Variants in PCDHAC1 observed in about 807,000 individuals in gnomAD.
The protein encoded by PCDHAC1 is protocadherin alpha-C1.
Under a neutral mutation model 60.0 loss-of-function variants are expected in PCDHAC1, and 42 were observed. The observed-to-expected ratio is 0.70, with a 90% CI of 0.55 to 0.90. The LOEUF is 0.90. Ranked by LOEUF, PCDHAC1 falls within the 40% of genes least tolerant of loss-of-function variation. The probability of loss-of-function intolerance (pLI) is 0.00; values close to 1 mark genes in which losing one functional copy is unlikely to be tolerated. For missense variants in PCDHAC1, 1,160 were observed against 1,222.3 expected (o/e 0.95, Z 0.76); for synonymous variants, 468 against 499.3 (o/e 0.94, Z 0.84).
chr5:140,952,798 G>T (rs1554220633), intron 1 of PCDHAC1, among the ~76,000 whole-genome samples: 1 of 152,138 alleles, frequency 6.6e-6, no homozygotes, highest in African/African-American at 2.4e-5. Flanking sequence ...TAACTGGCTC[G>T]CAGTTCTGCA....
chr5:141,009,021 G>A (rs997779963), intron 3 of PCDHAC1, among the ~76,000 whole-genome samples: 1 of 152,246 alleles, frequency 6.6e-6, no homozygotes, highest in Non-Finnish European at 1.5e-5. Context: ...TTTAGGCTCT[G>A]TATTTCCCAT....
At chr5:141,007,395 C>CAAAAAAAAAAAAAAAAA (rs35800918) in intron 3 of PCDHAC1, among the ~76,000 whole-genome samples, 5 of 94,868 alleles carry the variant, frequency 5.3e-5, no homozygotes, top group Non-Finnish European at 8.3e-5. Context: ...TACTAAAATA[C>CAAAAAAAAAAAAAAAAA]AAAAAAAAAA....
At chr5:140,991,101 T>C (rs1281707030) in intron 3 of PCDHAC1, among the ~76,000 whole-genome samples, 3 of 152,218 alleles carry the variant, frequency 2.0e-5, no homozygotes, top group African/African-American at 4.8e-5. Flanking sequence ...CTCATAAGAA[T>C]TAAGTGGCTT....
At chr5:140,943,547 C>T (rs1376489824) in intron 1 of PCDHAC1, among the ~76,000 whole-genome samples, 20 of 152,104 alleles carry the variant, frequency 1.3e-4, no homozygotes, top group African/African-American at 4.6e-4. Context: ...TGTAAATAGA[C>T]GTAGACAATA....
intron 1 of PCDHAC1, chr5:140,929,690 C>T (rs921103809): frequency 1.4e-5 from 4 of 278,364 alleles, no homozygotes; most frequent in Non-Finnish European, 2.8e-5. Context: ...TAAGAGTCTG[C>T]TTTATATGAA....
At position 140,955,726 on chromosome 5, in the gene PCDHAC1, C is replaced by A. The variant is rs934215613; in HGVS notation, c.2434-23223C>A. Among the ~76,000 whole-genome samples the A allele has an allele frequency of 8.5e-5, 13 of 152,264 alleles. No individual in the cohort carries two copies. In the South Asian group the frequency reaches 2.5e-3, roughly 29 times the overall value. Reference sequence around the variant, plus strand: ...AAGTTTAATAGGAATACCATTGAATCTATAAATTACTTTGAGCATTATTGC... The same window carrying A: ...AAGTTTAATAGGAATACCATTGAATATATAAATTACTTTGAGCATTATTGC... On this transcript the variant is annotated intron_variant, in intron 1 of 3. Coordinates refer to ENST00000253807, the MANE Select transcript of PCDHAC1 (RefSeq NM_018898.5).
In PCDHAC1 at chr5:141,010,177, C is replaced by T; in HGVS notation, c.*240C>T. 3 of 1,556,196 alleles carry T rather than the reference C, an allele frequency of 1.9e-6. No homozygotes were observed. The highest frequency in any genetic ancestry group is 1.7e-4 in the Middle Eastern group (1 of 6,000). On this transcript the variant is annotated 3_prime_UTR_variant, in exon 4 of 4. Coordinates refer to ENST00000253807, the MANE Select transcript of PCDHAC1 (RefSeq NM_018898.5). ...TGGCTTGTTTTCAGAACCTAAAAAG[C>T]AGACCCAAGTTTCCTTTCTCCTCCG... is the stretch of plus-strand genomic sequence containing the variant.
chr5:140,932,975 A>G (rs2088770619), intron 1 of PCDHAC1, among the ~76,000 whole-genome samples: 1 of 152,012 alleles, frequency 6.6e-6, no homozygotes, highest in African/African-American at 2.4e-5. Flanking sequence ...GGTTTTTACA[A>G]TGCTCAAATG....
intron 1 of PCDHAC1, chr5:140,968,750 G>A: frequency 6.2e-7 from 1 of 1,614,144 alleles, no homozygotes; most frequent in Non-Finnish European, 8.5e-7. Context: ...GACCGTGGTG[G>A]TCCGAGATAA....
At position 140,944,281 on chromosome 5, in the gene PCDHAC1, G is replaced by A. The variant is rs987563636; in HGVS notation, c.2433+14956G>A. ...CTGCTCACTGCAGCCTTGACACCCC[G>A]GGCTCAAGCGATCCTCCTACCTCAG... On this transcript the variant is annotated intron_variant, in intron 1 of 3. Coordinates refer to ENST00000253807, the MANE Select transcript of PCDHAC1 (RefSeq NM_018898.5). Among the ~76,000 whole-genome samples, 18 of 152,138 alleles carry A rather than the reference G, an allele frequency of 1.2e-4. No individual in the cohort carries two copies. The Middle Eastern group carries it at 0.014, about 115-fold the overall frequency.
intron 1 of PCDHAC1, among the ~76,000 whole-genome samples, chr5:140,941,409 C>T (rs1284702446): frequency 2.7e-5 from 4 of 149,924 alleles, no homozygotes; most frequent in Admixed American, 1.3e-4. Flanking sequence ...CTCCGCCTCC[C>T]GGGTTCAAGC....
chr5:140,962,143 G>C (rs964011627), intron 1 of PCDHAC1, among the ~76,000 whole-genome samples: 1 of 151,968 alleles, frequency 6.6e-6, no homozygotes, highest in Non-Finnish European at 1.5e-5. Flanking sequence ...CCAAAGTGCT[G>C]GGATTACAGG....
intron 3 of PCDHAC1, among the ~76,000 whole-genome samples, chr5:140,989,470 C>T (rs1365588787): frequency 6.6e-6 from 1 of 152,148 alleles, no homozygotes; most frequent in African/African-American, 2.4e-5. Context: ...TGGAACTCCT[C>T]CTGGGAGGTG....
At position 140,963,092 on chromosome 5, in the gene PCDHAC1, C is replaced by T. The variant is rs1202521389; in HGVS notation, c.2434-15857C>T. Among the ~76,000 whole-genome samples, 3 of 151,976 alleles carry T rather than the reference C, an allele frequency of 2.0e-5. No homozygotes were observed. The South Asian group carries it at 6.2e-4, about 32-fold the overall frequency. On this transcript the variant is annotated intron_variant, in intron 1 of 3. Transcript: ENST00000253807. Reference sequence around the variant, plus strand: ...GGAGACAGAAATATAAGACATGGCTCCTGCTTTCAGGTTGCTTATAATTAA... The same window carrying T: ...GGAGACAGAAATATAAGACATGGCTTCTGCTTTCAGGTTGCTTATAATTAA...
At chr5:141,004,657 G>A (rs565994909) in intron 3 of PCDHAC1, among the ~76,000 whole-genome samples, 1 of 152,262 alleles carries the variant, frequency 6.6e-6, no homozygotes, top group Admixed American at 6.5e-5. Context: ...TGGGCTCTGA[G>A]GGCAACTAAA....
intron 1 of PCDHAC1, among the ~76,000 whole-genome samples, chr5:140,949,849 G>A (rs1381006146): frequency 5.9e-5 from 9 of 151,472 alleles, no homozygotes; most frequent in Admixed American, 2.0e-4. Flanking sequence ...TTCTGTTTCC[G>A]CTTATCTGTT....
intron 1 of PCDHAC1, among the ~76,000 whole-genome samples, chr5:140,950,372 C>G (rs1369892292): frequency 1.3e-5 from 2 of 151,918 alleles, no homozygotes; most frequent in African/African-American, 4.8e-5. Context: ...ATCTATTTAT[C>G]TTCCATTTGA....
At chr5:140,963,091 T>C (rs1250580965) in intron 1 of PCDHAC1, among the ~76,000 whole-genome samples, 1 of 152,162 alleles carries the variant, frequency 6.6e-6, no homozygotes, top group African/African-American at 2.4e-5. Flanking sequence ...AAGACATGGC[T>C]CCTGCTTTCA....
rs1236174883 is a variant in PCDHAC1 at position 140,948,633 on chromosome 5, C to T, written c.2433+19308C>T. Among the ~76,000 whole-genome samples the T allele has an allele frequency of 2.6e-5, 4 of 151,768 alleles. No individual in the cohort carries two copies. The East Asian group carries it at 7.7e-4, about 29-fold the overall frequency. ...GGCACAAAGTTGTTAATAATATTCTCTCATCTTTTAACGTCTGTATAATCT... is the reference window on the plus strand; with the variant it reads ...GGCACAAAGTTGTTAATAATATTCTTTCATCTTTTAACGTCTGTATAATCT... On this transcript the variant is annotated intron_variant, in intron 1 of 3. Transcript: ENST00000253807.
Sources: gnomAD v4.1 joint callset for allele counts (sites outside exome capture counted in the v4.1 genomes callset) on GRCh38, gnomAD v4.1.1 for gene constraint, MANE v1.5 for transcripts, NCBI Gene and HGNC (gene_info 2026-07-23, HGNC 2026-07-21) for gene names.